Variants in CDADC1 observed in about 807,000 individuals in gnomAD.
CDADC1 encodes dCTP deaminase.
A neutral mutation model predicts 54.9 loss-of-function variants in CDADC1; 39 were observed. The ratio of observed to expected loss-of-function variants is 0.71; its 90% CI spans 0.55 to 0.93. CDADC1 has a LOEUF of 0.93. CDADC1 is among the 40% of genes least tolerant of loss of function. The pLI, the probability that CDADC1 is intolerant of heterozygous loss-of-function variation, is 0.00. For missense variants in CDADC1, 518 were observed against 618.8 expected, an observed-to-expected ratio of 0.84 and a Z score of 1.73; for synonymous variants, 186 against 204.0, an observed-to-expected ratio of 0.91 and a Z score of 0.75.
chr13:49,282,239 T>A (rs934062249), intron 8 of CDADC1, among the ~76,000 whole-genome samples: 11 of 144,446 alleles, frequency 7.6e-5, no homozygotes, highest in Non-Finnish European at 1.5e-4. Flanking sequence ...TTTGTGGGTT[T>A]TTTTTTTTTT....
At chr13:49,287,452 T>C (rs1042405053) in intron 9 of CDADC1, among the ~76,000 whole-genome samples, 1 of 151,632 alleles carries the variant, frequency 6.6e-6, no homozygotes, top group Non-Finnish European at 1.5e-5. Context: ...AAAAATTTAT[T>C]AGCAAAAAAG....
intron 5 of CDADC1, among the ~76,000 whole-genome samples, chr13:49,271,022 A>C (rs1009869914): frequency 6.6e-6 from 1 of 152,252 alleles, no homozygotes; most frequent in African/African-American, 2.4e-5. Context: ...AATGAATTCC[A>C]AAACCTCTAA....
chr13:49,274,333 G>C lies in CDADC1; in HGVS notation c.1043G>C (p.Gly348Ala), dbSNP rs143438894. The C allele has an allele frequency of 2.2e-4, 356 of 1,610,260 alleles. No individual in the cohort carries two copies. The highest frequency in any genetic ancestry group is 2.8e-4 in the Non-Finnish European group (335 of 1,177,138). The stretch of plus-strand genomic sequence containing the variant: ...GTTGGGGCAGTCATTTGGGCAGAAG[G>C]GAAATCTGTAAGTATGAAAACAATT... ...TGVGAVIWAEGKSRSCDGTGA... is the reference protein window; with the variant it reads ...TGVGAVIWAEAKSRSCDGTGA... The change falls in exon 6 of 10, where the codon GGG becomes GCG. Residue 348 changes from glycine (G) to alanine (A), a missense_variant. By Grantham distance (60) the Gly-to-Ala change is moderately conservative. Transcript: ENST00000251108.
At chr13:49,249,599 TG>T (rs1358575596) in intron 2 of CDADC1, among the ~76,000 whole-genome samples, 1 of 151,970 alleles carries the variant, frequency 6.6e-6, no homozygotes, top group Non-Finnish European at 1.5e-5. Flanking sequence ...CCAGGAGTGG[TG>T]GTATCCGCCT....
At chr13:49,262,172 G>T (rs1952701745) in intron 4 of CDADC1, among the ~76,000 whole-genome samples, 1 of 152,154 alleles carries the variant, frequency 6.6e-6, no homozygotes, top group Non-Finnish European at 1.5e-5. Context: ...GTTGGGCATG[G>T]TGGCTCATGC....
Position 49,259,329 on chromosome 13 carries a change from T to G in CDADC1, c.253-17T>G. On this transcript the variant is annotated splice_polypyrimidine_tract_variant and intron_variant, in intron 3 of 9. Transcript: ENST00000251108. ...GGTGTTATAACTAATAAGTTGTTAT[T>G]TTATATCTTAATGTAGGTAAAGAGA... is the stretch of plus-strand genomic sequence containing the variant. The G allele has an allele frequency of 6.4e-7, 1 of 1,556,498 alleles. No homozygotes were observed. The highest frequency in any genetic ancestry group is 1.2e-5 in the South Asian group (1 of 85,096).
chr13:49,249,929 G>T (rs1167543931), intron 2 of CDADC1, among the ~76,000 whole-genome samples: 2 of 152,044 alleles, frequency 1.3e-5, no homozygotes, highest in African/African-American at 2.4e-5. Flanking sequence ...GAAGCTTAGG[G>T]TGTTGGCATT....
intron 4 of CDADC1, among the ~76,000 whole-genome samples, chr13:49,262,273 T>A (rs1181585863): frequency 1.3e-5 from 2 of 152,052 alleles, no homozygotes; most frequent in East Asian, 3.9e-4. Flanking sequence ...AGAAACCCCA[T>A]ATCTACTAAA....
At chr13:49,276,987 G>A (rs566088434) in intron 6 of CDADC1, among the ~76,000 whole-genome samples, 28 of 152,156 alleles carry the variant, frequency 1.8e-4, no homozygotes, top group Non-Finnish European at 3.8e-4. Flanking sequence ...CAGGCAGCAC[G>A]GTGAAATGGA....
At chr13:49,282,632 A>G (rs1328831625) in intron 8 of CDADC1, among the ~76,000 whole-genome samples, 2 of 152,256 alleles carry the variant, frequency 1.3e-5, no homozygotes, top group Non-Finnish European at 2.9e-5. Flanking sequence ...GTCAAGGTTC[A>G]TTAGCTGCCC....
rs74830313 is a variant in CDADC1, at chr13:49,264,208, T to C, written c.431-3282T>C. On this transcript the variant is annotated intron_variant, in intron 4 of 9. Coordinates refer to ENST00000251108, the MANE Select transcript of CDADC1 (RefSeq NM_030911.4). ...TGGGTACTTGCTTTTGGCAATAACG[T>C]AATTCACAATGGAAGTTTCCTAACT... is the stretch of plus-strand genomic sequence containing the variant. 2.9e-3 allele frequency among the ~76,000 whole-genome samples: 441 copies of C among 152,338 alleles called. 9 individuals are homozygous for C. The East Asian group carries it at 0.047, about 16-fold the overall frequency.
chr13:49,268,179 C>G (rs1294065977), intron 5 of CDADC1, 120 bp downstream of exon 5: 1 of 815,354 alleles, frequency 1.2e-6, no homozygotes. Context: ...GCTGTTCATA[C>G]AATATAGAGA....
intron 2 of CDADC1, 123 bp from the exon 3 acceptor site, chr13:49,255,716 A>G (rs992571090): frequency 2.6e-6 from 3 of 1,140,934 alleles, no homozygotes; most frequent in African/African-American, 3.2e-5. Flanking sequence ...GTCAATGTAG[A>G]GTTTCATCAT....
chr13:49,259,211 A>C (rs906922206), intron 3 of CDADC1, 135 bp from the exon 4 acceptor site: 13 of 661,138 alleles, frequency 2.0e-5, no homozygotes, highest in Non-Finnish European at 2.8e-5. Context: ...TCTAATGAGA[A>C]ATGTGCTTTG....
rs768178196 is a variant in CDADC1 at position 49,286,202 on chromosome 13, A to G, written c.1411-20A>G. 4 of 1,600,786 alleles carry G rather than the reference A, an allele frequency of 2.5e-6. No individual in the cohort carries two copies. Reference sequence around the variant, plus strand: ...ATTAAATCCTCTTTAAACAAGTAAAATGTTTGTGCACTCTTACAGTGGCAG... The same window carrying G: ...ATTAAATCCTCTTTAAACAAGTAAAGTGTTTGTGCACTCTTACAGTGGCAG... On this transcript the variant is annotated intron_variant, in intron 8 of 9. Coordinates refer to ENST00000251108, the MANE Select transcript of CDADC1 (RefSeq NM_030911.4).
Position 49,293,078 on chromosome 13 carries a change from C to T in CDADC1, c.*1321C>T. 1 of 158,316 alleles carries T rather than the reference C, an allele frequency of 6.3e-6. No individual in the cohort carries two copies. Among genetic ancestry groups the T allele is most frequent in the South Asian group, 1.8e-4 (1 of 5,472 alleles). 9.8% of individuals were successfully genotyped at this position (158,316 alleles called of 1,614,324 possible). On this transcript the variant is annotated 3_prime_UTR_variant, in exon 10 of 10. Transcript: ENST00000251108. ...ATAGGACAGGAGAGGAGGTGATGTA[C>T]ACTTAGAGGTAACTAAGGCTAGTTT...
At chr13:49,250,017 G>A (rs569812305) in intron 2 of CDADC1, among the ~76,000 whole-genome samples, 1 of 152,170 alleles carries the variant, frequency 6.6e-6, no homozygotes, top group South Asian at 2.1e-4. Context: ...TTAAAACAGA[G>A]GTAAAATGAG....
At chr13:49,253,694 CCTT>C (rs969640233) in intron 2 of CDADC1, among the ~76,000 whole-genome samples, 7 of 152,080 alleles carry the variant, frequency 4.6e-5, no homozygotes, top group African/African-American at 1.7e-4. Context: ...GTTGTTGTCT[CCTT>C]ATTTATTTAT....
Position 49,285,971 on chromosome 13 carries a change from G to A in CDADC1, c.1411-251G>A, listed in dbSNP as rs142724788. 3.2e-3 allele frequency among the ~76,000 whole-genome samples: 483 copies of A among 151,990 alleles called. 2 individuals are homozygous for A. The highest frequency in any genetic ancestry group is 0.01 in the African/African-American group (434 of 41,466). ...TAGGACTACAGGCGCGTGCCACCAC[G>A]CCCAGCTAATTTTTGTATTTTTATT... On this transcript the variant is annotated intron_variant, in intron 8 of 9. Transcript: ENST00000251108.
Sources: gnomAD v4.1 joint callset for allele counts (sites outside exome capture counted in the v4.1 genomes callset) on GRCh38, gnomAD v4.1.1 for gene constraint, MANE v1.5 for transcripts, NCBI Gene and HGNC (gene_info 2026-07-23, HGNC 2026-07-21) for gene names.